Variants in FLNB observed in about 807,000 individuals in gnomAD.
The protein encoded by FLNB is filamin B.
Under a neutral mutation model 250.6 loss-of-function variants are expected in FLNB, and 111 were observed. The observed-to-expected ratio is 0.44, with a 90% confidence interval of 0.38 to 0.52. The LOEUF is 0.52. Among genes scored for constraint, FLNB ranks in the 20% least tolerant of loss-of-function variants. The pLI, the probability that FLNB is intolerant of heterozygous loss-of-function variation, is 0.00. For synonymous variants in FLNB, 1,302 were observed against 1,372.1 expected (o/e 0.95, Z 1.13); for missense variants, 2,869 against 3,447.8 (o/e 0.83, Z 4.20).
chr3:58,160,210 G>A (rs144294517), intron 42 of FLNB, among the ~76,000 whole-genome samples: 60 of 152,214 alleles, frequency 3.9e-4, no homozygotes, highest in African/African-American at 1.3e-3. Flanking sequence ...GCACGAGTAA[G>A]CATATTTTGA....
chr3:58,086,430 T>C (rs1576691969), intron 4 of FLNB, among the ~76,000 whole-genome samples: 2 of 148,754 alleles, frequency 1.3e-5, no homozygotes, highest in Admixed American at 1.4e-4. Flanking sequence ...ATCTCATTCC[T>C]GCCTTCAAAG....
chr3:58,158,573 T>C (rs956887824), intron 41 of FLNB, among the ~76,000 whole-genome samples: 9 of 152,234 alleles, frequency 5.9e-5, no homozygotes, highest in African/African-American at 1.9e-4. Context: ...TTCAGAGTTA[T>C]TGCCTGAGGA....
chr3:58,097,907 A>G lies in FLNB; in HGVS notation c.1077A>G (p.Ala359=). 1 of 1,614,174 alleles carries G rather than the reference A, an allele frequency of 6.2e-7. No homozygotes were observed. Among genetic ancestry groups the G allele is most frequent in the Non-Finnish European group, 8.5e-7 (1 of 1,180,004 alleles). The change falls in exon 7 of 46, where the codon GCA becomes GCG. Residue 359 remains alanine, a synonymous_variant. Transcript: ENST00000295956. Reference sequence around the variant, plus strand: ...AGGGAGATGCCAGTAAAGTCACTGCAAAAGGTCCAGGGTTGGAAGCTGTAG... The same window carrying G: ...AGGGAGATGCCAGTAAAGTCACTGCGAAAGGTCCAGGGTTGGAAGCTGTAG... ...KAQGDASKVT[A]KGPGLEAVGN...
chr3:58,167,995 G>C (rs956430239), intron 43 of FLNB, among the ~76,000 whole-genome samples: 1 of 152,180 alleles, frequency 6.6e-6, no homozygotes, highest in African/African-American at 2.4e-5. Flanking sequence ...AGGAAGGGAG[G>C]AGATGCTTGG....
intron 1 of FLNB, among the ~76,000 whole-genome samples, chr3:58,051,375 A>C (rs1241027462): frequency 2.0e-5 from 3 of 152,170 alleles, no homozygotes; most frequent in Non-Finnish European, 4.4e-5. Flanking sequence ...AGTGGCCCGC[A>C]TGTCTGCACT....
At position 58,137,649 on chromosome 3, in the gene FLNB, C is replaced by G. The variant is rs566125895; in HGVS notation, c.4862-633C>G. Reference sequence around the variant, plus strand: ...TATGTGGATCCTGTGTAAAGGGGCGCCAGAAATCAAGAGAGAGACTGGTCA... The same window carrying G: ...TATGTGGATCCTGTGTAAAGGGGCGGCAGAAATCAAGAGAGAGACTGGTCA... On this transcript the variant is annotated intron_variant, in intron 28 of 45. Coordinates refer to ENST00000295956, the MANE Select transcript of FLNB (RefSeq NM_001457.4). Among the ~76,000 whole-genome samples, 43 of 152,280 alleles carry G rather than the reference C, an allele frequency of 2.8e-4. 2 individuals carry two copies. The South Asian group carries it at 8.7e-3, about 31-fold the overall frequency.
At chr3:58,075,531 G>A (rs1164299038) in intron 1 of FLNB, among the ~76,000 whole-genome samples, 1 of 152,116 alleles carries the variant, frequency 6.6e-6, no homozygotes, top group African/African-American at 2.4e-5. Context: ...CGGATTGGAT[G>A]GGGTTTATGT....
intron 1 of FLNB, among the ~76,000 whole-genome samples, chr3:58,067,843 G>A (rs1419886916): frequency 1.3e-5 from 2 of 152,116 alleles, no homozygotes; most frequent in African/African-American, 2.4e-5. Flanking sequence ...CCAAAGTGCT[G>A]GGATTACAGG....
At position 58,109,281 on chromosome 3, in the gene FLNB, G is replaced by A. The variant is rs770844955; in HGVS notation, c.2158G>A (p.Val720Met). The A allele has an allele frequency of 1.2e-6, 2 of 1,614,208 alleles. No homozygotes were observed. The highest frequency in any genetic ancestry group is 1.6e-4 in the Middle Eastern group (1 of 6,062). ...GAAGGCCATCAAGCACACCATTGCT[G>A]TGGTCTGGGGAGGCGTGAACATCCC... ...PVKAIKHTIA[V>M]VWGGVNIPHS... is the part of the protein sequence containing the mutation. The change falls in exon 14 of 46, where the codon GTG becomes ATG. Residue 720 changes from valine to methionine, a missense_variant. Around this residue, in one of 5 missense-constraint regions of FLNB, gnomAD observed 1,348 missense variants for 1,466.7 expected, o/e 0.92. Coordinates refer to ENST00000295956, the MANE Select transcript of FLNB (RefSeq NM_001457.4).
chr3:58,156,212 G>A (rs1208111200), intron 41 of FLNB, 137 bp downstream of exon 41: 4 of 695,714 alleles, frequency 5.7e-6, no homozygotes, highest in Non-Finnish European at 1.0e-5. Context: ...CCCAGTCACT[G>A]GGGAGCTTTC....
chr3:58,033,093 G>C (rs1262759554), intron 1 of FLNB, among the ~76,000 whole-genome samples: 1 of 152,082 alleles, frequency 6.6e-6, no homozygotes, highest in East Asian at 1.9e-4. Context: ...CCCCTGCCAA[G>C]AAAACCCAAA....
chr3:58,038,278 C>T lies in FLNB; in HGVS notation c.292+29422C>T, dbSNP rs529262849. 2.6e-5 allele frequency among the ~76,000 whole-genome samples: 4 copies of T among 152,238 alleles called. No individual in the cohort carries two copies. In the South Asian group the frequency reaches 8.3e-4, roughly 32 times the overall value. The stretch of plus-strand genomic sequence containing the variant: ...TCCTGACCTCAGGTGATCCACCTGC[C>T]TTGGCCTCCCAAAGTGTGGGGATTA... On this transcript the variant is annotated intron_variant, in intron 1 of 45. Transcript: ENST00000295956.
intron 4 of FLNB, among the ~76,000 whole-genome samples, chr3:58,083,964 CAGGCAGATCACAAGGTCAGAAGATTG>C (rs1391209455): frequency 2.6e-5 from 4 of 151,980 alleles, no homozygotes; most frequent in African/African-American, 9.7e-5. Flanking sequence ...GAGGCTGAGG[CAGGCAGATCACAAGGTCAGAAGATTG>C]AGACCATCCT....
chr3:58,109,381 C>A, intron 14 of FLNB, 59 bp downstream of exon 14: 2 of 1,588,174 alleles, frequency 1.3e-6, no homozygotes, highest in Non-Finnish European at 1.7e-6. Context: ...TACACCAGGT[C>A]TGGGATCCAT....
intron 35 of FLNB, 123 bp from the exon 36 acceptor site, chr3:58,148,526 A>G (rs1309938732): frequency 5.0e-6 from 6 of 1,211,734 alleles, no homozygotes; most frequent in Non-Finnish European, 6.0e-6. Context: ...GTGCATTGTG[A>G]TATCGACACT....
chr3:58,104,197 A>G (rs1576724085), intron 10 of FLNB, 112 bp downstream of exon 10: 2 of 1,076,358 alleles, frequency 1.9e-6, no homozygotes, highest in African/African-American at 1.7e-5. Flanking sequence ...TTTGTTGAAA[A>G]CTTTTTTTTT....
chr3:58,153,714 T>C lies in FLNB; in HGVS notation c.6634+73T>C, dbSNP rs113689782. The C allele has an allele frequency of 1.3e-4, 199 of 1,563,674 alleles. 4 individuals are homozygous for C. The African/African-American group carries it at 1.9e-3, about 15-fold the overall frequency. ...CCAGGCAGTGTGGGCACCCACATAC[T>C]TTTTTGCCCCATTTGAAAGAGAAGA... On this transcript the variant is annotated intron_variant, in intron 39 of 45. Coordinates refer to ENST00000295956, the MANE Select transcript of FLNB (RefSeq NM_001457.4).
At position 58,058,032 on chromosome 3, in the gene FLNB, G is replaced by A. The variant is rs1014348126; in HGVS notation, c.293-19014G>A. Among the ~76,000 whole-genome samples, 88 of 152,124 alleles carry A rather than the reference G, an allele frequency of 5.8e-4. 2 individuals are homozygous for A. Among genetic ancestry groups the A allele is most frequent in the Non-Finnish European group, 2.9e-4 (20 of 68,018 alleles). On this transcript the variant is annotated intron_variant, in intron 1 of 45. Transcript: ENST00000295956. ...TCGAACTCCCGACCTCAGGTGATCC[G>A]CCTGCCTTGGCCTCCTAAAGTGCTG...
chr3:58,075,613 C>G (rs1312040434), intron 1 of FLNB, among the ~76,000 whole-genome samples: 2 of 152,128 alleles, frequency 1.3e-5, no homozygotes, highest in Non-Finnish European at 2.9e-5. Flanking sequence ...TTTGGAAGCA[C>G]AGAGGCACCT....
Sources: allele counts gnomAD v4.1 joint callset (sites outside exome capture counted in the v4.1 genomes callset), GRCh38; gene constraint gnomAD v4.1.1; regional missense constraint gnomAD v4.1.1; transcripts MANE v1.5; gene names NCBI Gene and HGNC (gene_info 2026-07-23, HGNC 2026-07-21).